Variants in YWHAQ observed in about 807,000 individuals in gnomAD.
YWHAQ encodes the protein 14-3-3 protein theta.
A neutral mutation model predicts 28.3 loss-of-function variants in YWHAQ; 6 were observed. The observed-to-expected ratio is 0.21, with a 90% CI of 0.12 to 0.42. YWHAQ has a LOEUF of 0.42. Ranked by LOEUF, YWHAQ falls within the 10% of genes least tolerant of loss-of-function variation. YWHAQ has a pLI of 1.00. For missense variants in YWHAQ, 201 were observed against 305.6 expected (o/e 0.66, Z 2.55); for synonymous variants, 143 against 119.1 (o/e 1.20, Z -1.31).
intron 2 of YWHAQ, among the ~76,000 whole-genome samples, chr2:9,596,218 C>T (rs919671598): frequency 6.6e-6 from 1 of 151,192 alleles, no homozygotes; most frequent in Non-Finnish European, 1.5e-5. Flanking sequence ...TTTCCCCCAC[C>T]CCCATATCTT....
At chr2:9,627,531 G>A (rs750636117) in intron 2 of YWHAQ, among the ~76,000 whole-genome samples, 11 of 152,038 alleles carry the variant, frequency 7.2e-5, no homozygotes, top group African/African-American at 1.2e-4. Flanking sequence ...CTCAAACCAC[G>A]AATTCTAGAT....
At chr2:9,596,269 C>T (rs1359008484) in intron 2 of YWHAQ, among the ~76,000 whole-genome samples, 6 of 151,590 alleles carry the variant, frequency 4.0e-5, no homozygotes, top group African/African-American at 1.2e-4. Context: ...AACCCCCATA[C>T]GATCTTCAAG....
At chr2:9,606,728 C>T (rs185109254) in intron 2 of YWHAQ, among the ~76,000 whole-genome samples, 88 of 152,196 alleles carry the variant, frequency 5.8e-4, no homozygotes, top group African/African-American at 2.0e-3. Flanking sequence ...AGGGGTTTCA[C>T]CATGTTGGTG....
chr2:9,584,070 A>G lies in YWHAQ; in HGVS notation c.*1216T>C, dbSNP rs1666300664. 1 of 152,412 alleles carries G rather than the reference A, an allele frequency of 6.6e-6. No individual in the cohort carries two copies. The highest frequency in any genetic ancestry group is 1.5e-5 in the Non-Finnish European group (1 of 68,038). 9.4% of individuals were successfully genotyped at this position (152,412 alleles called of 1,614,324 possible). A position where few individuals can be genotyped will look rare whatever the true frequency, so the allele number is the denominator to read the frequency against. On this transcript the variant is annotated 3_prime_UTR_variant, in exon 6 of 6. Coordinates refer to ENST00000238081, the MANE Select transcript of YWHAQ (RefSeq NM_006826.4). ...TGGCCCATGAGACTGATCTATAGTA[A>G]AACACTCTAAGAAATGCAGTCCAAT... is the stretch of plus-strand genomic sequence containing the variant.
chr2:9,596,179 T>C (rs1423544626), intron 2 of YWHAQ, among the ~76,000 whole-genome samples: 2 of 152,108 alleles, frequency 1.3e-5, no homozygotes, highest in Admixed American at 6.6e-5. Flanking sequence ...ATAATATTAA[T>C]GCAAATTTAG....
intron 2 of YWHAQ, among the ~76,000 whole-genome samples, chr2:9,606,327 A>G (rs1355743476): frequency 6.6e-6 from 1 of 152,192 alleles, no homozygotes; most frequent in Non-Finnish European, 1.5e-5. Flanking sequence ...GCACTTTGGG[A>G]GGCCAAGGCA....
At chr2:9,628,571 T>G (rs1382302440) in intron 2 of YWHAQ, 1 of 152,234 alleles carries the variant, frequency 6.6e-6, no homozygotes. Context: ...AAATGAAATA[T>G]GCTGTAAGAG....
chr2:9,627,213 C>T (rs1667264626), intron 2 of YWHAQ, among the ~76,000 whole-genome samples: 1 of 152,118 alleles, frequency 6.6e-6, no homozygotes, highest in African/African-American at 2.4e-5. Context: ...GTAATTCTGC[C>T]CCAACCTACT....
rs373178591 is a variant in YWHAQ at position 9,585,307 on chromosome 2, C to G, written c.717G>C (p.Ala239=). 1 of 1,614,042 alleles carries G rather than the reference C, an allele frequency of 6.2e-7. No individual in the cohort carries two copies. The highest frequency in any genetic ancestry group is 2.2e-5 in the East Asian group (1 of 44,864). The part of the protein sequence containing the change: ...TSDSAGEECD[A]AEGAEN ...GGATTTAGTTTTCAGCCCCTTCTGC[C>G]GCATCACATTCTTCTCCTGCACTGT... The change falls in exon 6 of 6, where the codon GCG becomes GCC. Residue 239 remains alanine, a synonymous_variant. Transcript: ENST00000238081.
At chr2:9,597,985 ATTTTTTTTTTTTTT>A (rs547582835) in intron 2 of YWHAQ, among the ~76,000 whole-genome samples, 9 of 62,480 alleles carry the variant, frequency 1.4e-4, no homozygotes, top group African/African-American at 3.6e-4. Flanking sequence ...ATGCCGGGCT[ATTTTTTTTTTTTTT>A]TTTTTTTTTT....
At chr2:9,629,854 C>T (rs1667325313) in intron 2 of YWHAQ, among the ~76,000 whole-genome samples, 1 of 152,186 alleles carries the variant, frequency 6.6e-6, no homozygotes, top group South Asian at 2.1e-4. Context: ...GACGCAGTCT[C>T]CCCGCACAAG....
chr2:9,603,681 C>T (rs1320788794), intron 2 of YWHAQ, among the ~76,000 whole-genome samples: 1 of 151,736 alleles, frequency 6.6e-6, no homozygotes, highest in Non-Finnish European at 1.5e-5. Context: ...CCCAACACTT[C>T]GGGAGGCTGA....
chr2:9,628,380 G>T (rs1469873144), intron 2 of YWHAQ, among the ~76,000 whole-genome samples: 1 of 152,042 alleles, frequency 6.6e-6, no homozygotes, highest in Admixed American at 6.5e-5. Context: ...CTCAAGCTAC[G>T]TATCAACTAA....
chr2:9,613,792 G>A (rs1480874721), intron 2 of YWHAQ, among the ~76,000 whole-genome samples: 2 of 152,134 alleles, frequency 1.3e-5, no homozygotes, highest in East Asian at 3.9e-4. Flanking sequence ...CCTTGCCCCT[G>A]CCCCAAACAA....
chr2:9,607,325 C>T (rs533144843), intron 2 of YWHAQ, among the ~76,000 whole-genome samples: 2 of 151,420 alleles, frequency 1.3e-5, no homozygotes, highest in South Asian at 2.1e-4. Context: ...CTCAGCCGCT[C>T]GAGTAGCTGG....
intron 2 of YWHAQ, among the ~76,000 whole-genome samples, chr2:9,603,417 G>A (rs1055718021): frequency 2.6e-5 from 4 of 151,532 alleles, no homozygotes; most frequent in South Asian, 2.1e-4. Flanking sequence ...TTACAGGCAC[G>A]CATAATCATG....
At chr2:9,587,253 GA>G (rs1448519233) in intron 5 of YWHAQ, among the ~76,000 whole-genome samples, 160 bp downstream of exon 5, 1 of 152,116 alleles carries the variant, frequency 6.6e-6, no homozygotes, top group African/African-American at 2.4e-5. Context: ...TATTCAACTT[GA>G]AAACCTGCCT....
chr2:9,630,526 C>A lies in YWHAQ; in HGVS notation c.-74G>T. The A allele has an allele frequency of 5.0e-6, 7 of 1,402,864 alleles. No homozygotes were observed. Among genetic ancestry groups the A allele is most frequent in the Non-Finnish European group, 6.6e-6 (7 of 1,061,350 alleles). 86.9% of individuals were successfully genotyped at this position (1,402,864 alleles called of 1,614,324 possible). On this transcript the variant is annotated 5_prime_UTR_variant, in exon 2 of 6. Transcript: ENST00000238081. This position sits in a 1 kb window ranked among gnomAD's most constrained non-coding sequence, Gnocchi z 5.6. The stretch of plus-strand genomic sequence containing the variant: ...GAGCGCCGACCCGCAGCGGGAGGAG[C>A]CTCGAGAGCTGCGGAGGGGCGGGGC...
chr2:9,605,195 G>A (rs1666797505), intron 2 of YWHAQ, among the ~76,000 whole-genome samples: 1 of 142,394 alleles, frequency 7.0e-6, no homozygotes, highest in African/African-American at 2.7e-5. Context: ...CTAGAATACA[G>A]TGGCATCATC....
Sources: gnomAD v4.1 joint callset for allele counts (sites outside exome capture counted in the v4.1 genomes callset) on GRCh38, gnomAD v4.1.1 for gene constraint, Gnocchi (gnomAD v3.1) non-coding constraint, MANE v1.5 for transcripts, NCBI Gene and HGNC (gene_info 2026-07-23, HGNC 2026-07-21) for gene names.